DPP6: variants seen among roughly 807,000 people sequenced by gnomAD.
DPP6 encodes the protein dipeptidyl peptidase like 6, also known as A-type potassium channel modulatory protein DPP6.
A neutral mutation model predicts 122.6 loss-of-function variants in DPP6; 69 were observed. That is an observed-to-expected ratio of 0.56 (90% confidence interval 0.46 to 0.69). DPP6 has a LOEUF of 0.69. Among genes scored for constraint, DPP6 ranks in the 30% least tolerant of loss-of-function variants. The pLI, the probability that DPP6 is intolerant of heterozygous loss-of-function variation, is 0.00. For missense variants in DPP6, 928 were observed against 1,116.9 expected (o/e 0.83, Z 2.41); for synonymous variants, 418 against 433.1 (o/e 0.97, Z 0.43).
chr7:153,887,785 G>A, intron 1 of DPP6: 2 of 1,598,186 alleles, frequency 1.3e-6, no homozygotes, highest in Non-Finnish European at 1.7e-6. Flanking sequence ...CCACCGTGAG[G>A]AGCGATGCTG....
At chr7:154,575,315 GGTGT>G (rs1203072213) in intron 5 of DPP6, among the ~76,000 whole-genome samples, 5 of 122,580 alleles carry the variant, frequency 4.1e-5, no homozygotes, top group Admixed American at 1.7e-4. Flanking sequence ...GTATGTGTGT[GGTGT>G]GTGTATGTGT....
chr7:153,991,266 A>T (rs2533607), intron 1 of DPP6, among the ~76,000 whole-genome samples: 4,402 of 148,080 alleles, frequency 0.03, 78 homozygotes, highest in South Asian at 0.074. Flanking sequence ...ATCAAATATT[A>T]AAAAAAAAAT....
At chr7:154,861,602 A>G (rs533840184) in intron 17 of DPP6, among the ~76,000 whole-genome samples, 3 of 152,350 alleles carry the variant, frequency 2.0e-5, no homozygotes, top group Admixed American at 6.5e-5. Context: ...GGCCATAATC[A>G]TTACTTGTTG....
At chr7:154,182,949 T>G (rs1006443849) in intron 1 of DPP6, among the ~76,000 whole-genome samples, 1 of 152,164 alleles carries the variant, frequency 6.6e-6, no homozygotes, top group African/African-American at 2.4e-5. Flanking sequence ...CTTCCCACTC[T>G]GTGCCCTGGA....
intron 1 of DPP6, among the ~76,000 whole-genome samples, chr7:154,341,146 C>T (rs1441700189): frequency 2.0e-5 from 3 of 152,164 alleles, no homozygotes; most frequent in Non-Finnish European, 4.4e-5. Context: ...ACTCTGTCCC[C>T]ATTTGGCATT....
intron 1 of DPP6, among the ~76,000 whole-genome samples, chr7:154,379,470 C>T (rs1329110444): frequency 6.6e-6 from 1 of 151,972 alleles, no homozygotes; most frequent in Non-Finnish European, 1.5e-5. Context: ...ATCAAACCTG[C>T]ACATTGTGCA....
intron 1 of DPP6, among the ~76,000 whole-genome samples, chr7:154,335,657 T>C (rs1428459170): frequency 3.3e-5 from 5 of 152,180 alleles, no homozygotes; most frequent in Non-Finnish European, 7.3e-5. Context: ...ACCTGAGTGC[T>C]GTGTGCCACG....
intron 1 of DPP6, among the ~76,000 whole-genome samples, chr7:153,952,952 A>G (rs1234572296): frequency 6.6e-6 from 1 of 152,222 alleles, no homozygotes; most frequent in African/African-American, 2.4e-5. Flanking sequence ...TTAATCCAGG[A>G]GAAAATTATT....
chr7:154,589,274 G>A (rs1220240868), intron 5 of DPP6, among the ~76,000 whole-genome samples: 1 of 152,148 alleles, frequency 6.6e-6, no homozygotes, highest in Non-Finnish European at 1.5e-5. Context: ...AAAATTCAGG[G>A]ATTGAAGGGA....
intron 1 of DPP6, among the ~76,000 whole-genome samples, chr7:154,032,377 G>T (rs555457100): frequency 1.6e-4 from 25 of 152,226 alleles, no homozygotes; most frequent in Non-Finnish European, 2.8e-4. Flanking sequence ...AAGGAAATTA[G>T]CTTAGAGAGG....
intron 10 of DPP6, among the ~76,000 whole-genome samples, chr7:154,775,500 T>C (rs78994682): frequency 0.038 from 5,854 of 152,220 alleles, 381 homozygotes; most frequent in African/African-American, 0.13. Context: ...AATGGTCAAA[T>C]TGTGATTCTC....
chr7:154,036,771 G>A (rs1198369179), intron 1 of DPP6, among the ~76,000 whole-genome samples: 1 of 151,988 alleles, frequency 6.6e-6, no homozygotes, highest in African/African-American at 2.4e-5. Flanking sequence ...ATACTTCAGT[G>A]TCCATGGAAA....
chr7:154,578,174 A>G (rs1251552182), intron 5 of DPP6, among the ~76,000 whole-genome samples: 3 of 152,282 alleles, frequency 2.0e-5, no homozygotes, highest in Non-Finnish European at 2.9e-5. Flanking sequence ...CTTCTGCTCA[A>G]CTAAAATTAT....
chr7:153,941,089 C>T (rs1192626486), intron 1 of DPP6, among the ~76,000 whole-genome samples: 1 of 152,154 alleles, frequency 6.6e-6, no homozygotes, highest in African/African-American at 2.4e-5. Context: ...GAGGCGTTGT[C>T]CCTAACGGAA....
chr7:153,948,908 A>T (rs1283060882), intron 1 of DPP6, among the ~76,000 whole-genome samples: 1 of 151,576 alleles, frequency 6.6e-6, no homozygotes, highest in Non-Finnish European at 1.5e-5. Flanking sequence ...GATTGACATT[A>T]CTTCAAGCAA....
intron 1 of DPP6, among the ~76,000 whole-genome samples, chr7:154,085,420 A>G (rs1210149903): frequency 6.6e-6 from 1 of 152,194 alleles, no homozygotes; most frequent in African/African-American, 2.4e-5. Flanking sequence ...ATGAGTCATT[A>G]ATGCATCTCG....
intron 6 of DPP6, among the ~76,000 whole-genome samples, chr7:154,646,744 C>A (rs1293442011): frequency 6.6e-6 from 1 of 152,096 alleles, no homozygotes; most frequent in Non-Finnish European, 1.5e-5. Context: ...CCTGTAATAC[C>A]AGTAGCTGTT....
chr7:154,843,352 C>T (rs1801705581), intron 16 of DPP6, among the ~76,000 whole-genome samples: 1 of 152,136 alleles, frequency 6.6e-6, no homozygotes, highest in Non-Finnish European at 1.5e-5. Flanking sequence ...AAGACTAGAC[C>T]TAAACATAAA....
chr7:154,239,705 G>T (rs1161495066), intron 1 of DPP6, among the ~76,000 whole-genome samples: 2 of 151,750 alleles, frequency 1.3e-5, no homozygotes, highest in African/African-American at 2.4e-5. Context: ...GGGCTCAATG[G>T]CTCATGCCTG....
Sources: gnomAD v4.1 joint callset for allele counts (sites outside exome capture counted in the v4.1 genomes callset) on GRCh38, gnomAD v4.1.1 for gene constraint, MANE v1.5 for transcripts, NCBI Gene and HGNC (gene_info 2026-07-23, HGNC 2026-07-21) for gene names.